The following RAB7A variants were observed in gnomAD, a reference collection of about 807,000 sequenced individuals.
The protein encoded by RAB7A is ras-related protein Rab-7a.
A neutral mutation model predicts 24.5 loss-of-function variants in RAB7A; 2 were observed. That is an observed-to-expected ratio of 0.08 (90% CI 0.03 to 0.26). The LOEUF (loss-of-function observed/expected upper bound fraction) is 0.26. RAB7A is among the 10% of genes least tolerant of loss of function. The pLI, the probability that RAB7A is intolerant of heterozygous loss-of-function variation, is 1.00. For synonymous variants in RAB7A, 100 were observed against 95.9 expected (o/e 1.04, Z -0.25); for missense variants, 118 against 255.7 (o/e 0.46, Z 3.67).
chr3:128,767,847 G>C (rs1485481994), intron 1 of RAB7A, among the ~76,000 whole-genome samples: 1 of 152,124 alleles, frequency 6.6e-6, no homozygotes, highest in Admixed American at 6.5e-5. Flanking sequence ...GCAGCCTCCT[G>C]GCCTCTGACT....
In RAB7A at chr3:128,739,791, C is replaced by T. The variant is rs533130893; in HGVS notation, c.-9+13432C>T. Reference sequence around the variant, plus strand: ...CTTTAAGAAAAGTATTTAATAGGGCCGGGCGCAGTGGTTCACGCCTGTAAT... The same window carrying T: ...CTTTAAGAAAAGTATTTAATAGGGCTGGGCGCAGTGGTTCACGCCTGTAAT... On this transcript the variant is annotated intron_variant, in intron 1 of 5. Transcript: ENST00000265062. Among the ~76,000 whole-genome samples, 30 of 152,170 alleles carry T rather than the reference C, an allele frequency of 2.0e-4. 1 individual carries two copies. In the East Asian group the frequency reaches 5.2e-3, roughly 26 times the overall value.
chr3:128,728,267 T>C (rs556162934), intron 1 of RAB7A, among the ~76,000 whole-genome samples: 1 of 152,208 alleles, frequency 6.6e-6, no homozygotes, highest in Non-Finnish European at 1.5e-5. Flanking sequence ...TCTCTGCTGG[T>C]GAATCAGTAG....
intron 1 of RAB7A, among the ~76,000 whole-genome samples, chr3:128,778,223 C>T (rs1307632420): frequency 6.6e-6 from 1 of 152,184 alleles, no homozygotes; most frequent in Non-Finnish European, 1.5e-5. Flanking sequence ...TATTTGAGAT[C>T]ATGCAATTTC....
chr3:128,732,343 C>G (rs1048388130), intron 1 of RAB7A, among the ~76,000 whole-genome samples: 2 of 151,674 alleles, frequency 1.3e-5, no homozygotes, highest in African/African-American at 4.8e-5. Flanking sequence ...TGGCCCACTA[C>G]CTTTTATTTA....
chr3:128,755,962 C>CA (rs199833527), intron 1 of RAB7A, among the ~76,000 whole-genome samples: 7,249 of 152,144 alleles, frequency 0.048, 309 homozygotes, highest in South Asian at 0.13. Flanking sequence ...AAAAATTTCT[C>CA]ACACATAAAA....
At chr3:128,795,196 G>T in intron 1 of RAB7A, 164 bp from the exon 2 acceptor site, 1 of 688,874 alleles carries the variant, frequency 1.5e-6, no homozygotes, top group South Asian at 1.6e-5. Context: ...GAGTTTTGGT[G>T]AGTGATACTG....
chr3:128,791,152 T>TG (rs1372352123), intron 1 of RAB7A, among the ~76,000 whole-genome samples: 1 of 152,182 alleles, frequency 6.6e-6, no homozygotes, highest in Admixed American at 6.5e-5. Context: ...TTGTTTGTTT[T>TG]TTTTTTTAAA....
intron 3 of RAB7A, chr3:128,798,538 G>A (rs1035023149): frequency 5.2e-5 from 9 of 172,574 alleles, no homozygotes; most frequent in Admixed American, 3.4e-4. Context: ...TTTTTTTTAT[G>A]TATCAGCTTA....
At chr3:128,795,878 A>G (rs1188730049) in intron 2 of RAB7A, among the ~76,000 whole-genome samples, 1 of 149,866 alleles carries the variant, frequency 6.7e-6, no homozygotes, top group Non-Finnish European at 1.5e-5. Flanking sequence ...CAGCCTCCCG[A>G]GGAGCTGGGA....
intron 1 of RAB7A, among the ~76,000 whole-genome samples, chr3:128,772,145 G>A (rs116690144): frequency 3.7e-4 from 57 of 152,274 alleles, no homozygotes; most frequent in African/African-American, 1.3e-3. Flanking sequence ...CAGTAATGTC[G>A]AAATGAACAC....
chr3:128,757,002 C>T (rs1462619638), intron 1 of RAB7A, among the ~76,000 whole-genome samples: 1 of 152,074 alleles, frequency 6.6e-6, no homozygotes, highest in Non-Finnish European at 1.5e-5. Context: ...CACCACCACG[C>T]CCGGCTCATT....
chr3:128,810,446 T>A (rs756125692), intron 5 of RAB7A, among the ~76,000 whole-genome samples: 1 of 151,974 alleles, frequency 6.6e-6, no homozygotes, highest in Non-Finnish European at 1.5e-5. Flanking sequence ...CCTGGGAGGG[T>A]CCAACAACAG....
chr3:128,797,739 A>G (rs975228459), intron 2 of RAB7A, among the ~76,000 whole-genome samples: 1 of 152,212 alleles, frequency 6.6e-6, no homozygotes, highest in Non-Finnish European at 1.5e-5. Flanking sequence ...TCTGCCCCAC[A>G]TCTGTACCCT....
At chr3:128,793,362 C>A (rs139936364) in intron 1 of RAB7A, among the ~76,000 whole-genome samples, 1 of 152,034 alleles carries the variant, frequency 6.6e-6, no homozygotes, top group Non-Finnish European at 1.5e-5. Flanking sequence ...ATCATGTTAG[C>A]CAGGCTGGTC....
At chr3:128,745,851 CT>C (rs1441683715) in intron 1 of RAB7A, among the ~76,000 whole-genome samples, 4 of 152,204 alleles carry the variant, frequency 2.6e-5, no homozygotes, top group African/African-American at 9.6e-5. Context: ...CATGCAGAGA[CT>C]TTGTTGGCAG....
chr3:128,761,239 C>T (rs936978284), intron 1 of RAB7A, among the ~76,000 whole-genome samples: 2 of 152,186 alleles, frequency 1.3e-5, no homozygotes, highest in African/African-American at 4.8e-5. Context: ...TTAAAGCCCT[C>T]ATATAATGGG....
intron 1 of RAB7A, among the ~76,000 whole-genome samples, chr3:128,781,495 C>T (rs1028835494): frequency 1.7e-4 from 25 of 151,376 alleles, no homozygotes; most frequent in Admixed American, 1.6e-3. Flanking sequence ...GTAGAGAGAC[C>T]TCATCTCTAC....
rs151078715 is a variant in RAB7A, at chr3:128,731,716, T to C, written c.-9+5357T>C. Among the ~76,000 whole-genome samples, 19 of 152,212 alleles carry C rather than the reference T, an allele frequency of 1.2e-4. No homozygotes were observed. In the East Asian group the frequency reaches 3.7e-3, roughly 30 times the overall value. On this transcript the variant is annotated intron_variant, in intron 1 of 5. Coordinates refer to ENST00000265062, the MANE Select transcript of RAB7A (RefSeq NM_004637.6). Reference sequence around the variant, plus strand: ...CACGACATTTCACCCCTTGTAAAAGTGTATCTTTCGGCCGGGGGCGATGGC... The same window carrying C: ...CACGACATTTCACCCCTTGTAAAAGCGTATCTTTCGGCCGGGGGCGATGGC...
intron 1 of RAB7A, among the ~76,000 whole-genome samples, chr3:128,790,835 A>C (rs1385024504): frequency 6.6e-6 from 1 of 152,074 alleles, no homozygotes; most frequent in Non-Finnish European, 1.5e-5. Flanking sequence ...TTGTGTATTT[A>C]TTTATTTTTA....
Sources: gnomAD v4.1 joint callset for allele counts (sites outside exome capture counted in the v4.1 genomes callset) on GRCh38, gnomAD v4.1.1 for gene constraint, MANE v1.5 for transcripts, NCBI Gene and HGNC (gene_info 2026-07-23, HGNC 2026-07-21) for gene names.